The following ADH1B variants were observed in gnomAD, a reference collection of about 807,000 sequenced individuals.
ADH1B encodes the protein alcohol dehydrogenase 1B (class I), beta polypeptide.
ADH1B carries 29 observed loss-of-function variants against 34.6 expected under a neutral mutation model. The ratio of observed to expected loss-of-function variants is 0.84; its 90% CI spans 0.62 to 1.14. The LOEUF (loss-of-function observed/expected upper bound fraction) is 1.14. Ranked by LOEUF, ADH1B falls within the 50% of genes most tolerant of loss-of-function variation. The probability of loss-of-function intolerance (pLI) is 0.00; values close to 1 mark genes in which losing one functional copy is unlikely to be tolerated. For missense variants in ADH1B, 424 were observed against 468.4 expected (o/e 0.91, Z 0.87); for synonymous variants, 170 against 175.5 (o/e 0.97, Z 0.25).
chr4:99,315,170 G>T (rs539186722), intron 5 of ADH1B: 2 of 152,276 alleles, frequency 1.3e-5, no homozygotes, highest in South Asian at 4.2e-4. Flanking sequence ...ATATATTTTA[G>T]TCTCAGCACT....
intron 8 of ADH1B, among the ~76,000 whole-genome samples, chr4:99,308,756 G>T (rs1733677739): frequency 6.6e-6 from 1 of 152,002 alleles, no homozygotes; most frequent in Admixed American, 6.6e-5. Flanking sequence ...ACAGCAGGAA[G>T]AAGAAAGTAA....
Position 99,319,199 on chromosome 4 carries a change from C to T in ADH1B, c.19-313G>A, listed in dbSNP as rs1018365995. On this transcript the variant is annotated intron_variant, in intron 1 of 8. Coordinates refer to ENST00000305046, the MANE Select transcript of ADH1B (RefSeq NM_000668.6). ...ATTTCCTAATGCCGTCCTGAAAATG[C>T]TCGTCTACCCACAACTATTAGCTGA... 4 of 417,740 alleles carry T rather than the reference C, an allele frequency of 9.6e-6. No homozygotes were observed. In the Admixed American group the frequency reaches 1.4e-4, roughly 15 times the overall value. 25.9% of individuals were successfully genotyped at this position (417,740 alleles called of 1,614,324 possible).
intron 1 of ADH1B, chr4:99,319,136 ATGT>A (rs1010251860): frequency 1.8e-5 from 10 of 548,676 alleles, no homozygotes; most frequent in Non-Finnish European, 3.3e-5. Flanking sequence ...GGCCATTCTT[ATGT>A]TGTTGTTTTT....
At position 99,310,753 on chromosome 4, in the gene ADH1B, CTT is replaced by C; in HGVS notation, c.1103+10_1103+11del. 6.2e-7 allele frequency: 1 copy of C among 1,601,364 alleles called. No individual in the cohort carries two copies. Among genetic ancestry groups the C allele is most frequent in the Non-Finnish European group, 8.5e-7 (1 of 1,176,652 alleles). Reference sequence around the variant, plus strand: ...AAAAAAAAGCAAAACAGAAAACTAACTTAAAATCTACCTTTTCCCAGAGTGAA... The same window carrying C: ...AAAAAAAAGCAAAACAGAAAACTAACAAAATCTACCTTTTCCCAGAGTGAA... On this transcript the variant is annotated intron_variant, in intron 8 of 8. Coordinates refer to ENST00000305046, the MANE Select transcript of ADH1B (RefSeq NM_000668.6).
In ADH1B at chr4:99,307,366, C is replaced by T; in HGVS notation, c.*474G>A. The stretch of plus-strand genomic sequence containing the variant: ...CCTTTACCTTACCCTAGCTTTTACC[C>T]CAGGGATTTGGTACATTTTTATTAG... On this transcript the variant is annotated 3_prime_UTR_variant, in exon 9 of 9. Coordinates refer to ENST00000305046, the MANE Select transcript of ADH1B (RefSeq NM_000668.6). 5.6e-6 allele frequency: 1 copy of T among 179,262 alleles called. No individual in the cohort carries two copies. 11.1% of individuals were successfully genotyped at this position (179,262 alleles called of 1,614,324 possible).
At chr4:99,318,675 T>C in intron 2 of ADH1B, 110 bp downstream of exon 2, 1 of 1,019,054 alleles carries the variant, frequency 9.8e-7, no homozygotes, top group South Asian at 1.8e-5. Context: ...TTTTATCTTC[T>C]GGGTGATCAT....
At chr4:99,308,960 A>G (rs1733682025) in intron 8 of ADH1B, among the ~76,000 whole-genome samples, 1 of 151,938 alleles carries the variant, frequency 6.6e-6, no homozygotes, top group Non-Finnish European at 1.5e-5. Context: ...TAAAACTTAA[A>G]GTATAATAAT....
At position 99,307,817 on chromosome 4, in the gene ADH1B, C is replaced by T. The variant is rs1733649395; in HGVS notation, c.*23G>A. On this transcript the variant is annotated 3_prime_UTR_variant, in exon 9 of 9. Transcript: ENST00000305046. ...GGGTAGAGGAGGCTGAAGACTGCTACAGGGGAAGGCATCTCTATTGCCTCA... is the reference window on the plus strand; with the variant it reads ...GGGTAGAGGAGGCTGAAGACTGCTATAGGGGAAGGCATCTCTATTGCCTCA... 1.2e-6 allele frequency: 2 copies of T among 1,613,468 alleles called. No homozygotes were observed. The highest frequency in any genetic ancestry group is 1.7e-6 in the Non-Finnish European group (2 of 1,179,538).
intron 6 of ADH1B, among the ~76,000 whole-genome samples, chr4:99,312,701 A>G (rs1016751981): frequency 6.6e-6 from 1 of 152,210 alleles, no homozygotes; most frequent in African/African-American, 2.4e-5. Context: ...AATAATGCCA[A>G]CTGAGGCTGA....
At position 99,306,759 on chromosome 4, in the gene ADH1B, G is replaced by A. The variant is rs1483108490; in HGVS notation, c.*1081C>T. ...TATTCAAAATATTAAACTAATGCTAGGATTATAGACTTGATTTTAAGACAT... is the reference window on the plus strand; with the variant it reads ...TATTCAAAATATTAAACTAATGCTAAGATTATAGACTTGATTTTAAGACAT... On this transcript the variant is annotated 3_prime_UTR_variant, in exon 9 of 9. Transcript: ENST00000305046. 6.6e-6 allele frequency: 1 copy of A among 152,092 alleles called. No individual in the cohort carries two copies. The highest frequency in any genetic ancestry group is 1.5e-5 in the Non-Finnish European group (1 of 68,020). The allele number at this position is 152,092 out of a possible 1,614,324, so 9.4% of individuals were successfully genotyped here.
intron 1 of ADH1B, 150 bp from the exon 2 acceptor site, chr4:99,319,036 A>C (rs1321344779): frequency 4.6e-6 from 4 of 871,156 alleles, no homozygotes; most frequent in Middle Eastern, 2.2e-4. Context: ...GTTTATAAAG[A>C]GAATAAAAGT....
In ADH1B at chr4:99,314,010, T is replaced by G. The variant is rs755890908; in HGVS notation, c.639A>C (p.Lys213Asn). 2 of 1,614,204 alleles carry G rather than the reference T, an allele frequency of 1.2e-6. No homozygotes were observed. The highest frequency in any genetic ancestry group is 2.7e-5 in the African/African-American group (2 of 75,052). ...CAATGATTCTGGCTGCTCCAGCTGC[T>G]TTACAGCCCATAACAGCAGATAGGC... Reference protein sequence around the residue: ...GVGLSAVMGCKAAGAARIIAV... With the variant: ...GVGLSAVMGCNAAGAARIIAV... Residue 213 changes from lysine (K) to asparagine (N), a missense_variant, in exon 6 of 9, where the codon AAA becomes AAC. By Grantham distance (94) the Lys-to-Asn change is moderately conservative. This residue lies in a region of ADH1B where 291 missense variants were observed against 300.4 expected (regional missense o/e 0.97). Coordinates refer to ENST00000305046, the MANE Select transcript of ADH1B (RefSeq NM_000668.6).
Position 99,307,071 on chromosome 4 carries a change from C to A in ADH1B, c.*769G>T, listed in dbSNP as rs780437055. On this transcript the variant is annotated 3_prime_UTR_variant, in exon 9 of 9. Coordinates refer to ENST00000305046, the MANE Select transcript of ADH1B (RefSeq NM_000668.6). ...CTAATACTGTTTAGTCAATGAAGCA[C>A]TTTCATCAGCAAAAATTACAGATTT... 6.6e-6 allele frequency: 1 copy of A among 152,138 alleles called. No individual in the cohort carries two copies. Among genetic ancestry groups the A allele is most frequent in the Non-Finnish European group, 1.5e-5 (1 of 68,028 alleles). 9.4% of individuals were successfully genotyped at this position (152,138 alleles called of 1,614,324 possible).
intron 5 of ADH1B, chr4:99,314,671 A>G (rs1460828370): frequency 6.5e-6 from 1 of 153,288 alleles, no homozygotes; most frequent in Non-Finnish European, 1.5e-5. Context: ...AAAATACACT[A>G]GCGAACAACA....
chr4:99,318,229 C>A, intron 2 of ADH1B, 45 bp from the exon 3 acceptor site: 1 of 1,609,178 alleles, frequency 6.2e-7, no homozygotes, highest in Non-Finnish European at 8.5e-7. Context: ...AAGATTGTAA[C>A]TAGATGAATT....
Position 99,318,799 on chromosome 4 carries a change from C to T in ADH1B, c.106G>A (p.Glu36Lys). The stretch of plus-strand genomic sequence containing the variant: ...AAATATTTCACCTTAATGCGAACTT[C>T]ATAAGCCTTAGGAGGTGCAACCTCC... ...DVEVAPPKAY[E>K]VRIKMVAVGI... Residue 36 changes from glutamate (E) to lysine (K), a missense_variant, in exon 2 of 9, where the codon GAA (glutamate) becomes AAA (lysine). Glu to Lys is a moderately conservative substitution (Grantham distance 56). This residue lies in a region of ADH1B where 291 missense variants were observed against 300.4 expected (regional missense o/e 0.97). Transcript: ENST00000305046. 1 of 1,613,162 alleles carries T rather than the reference C, an allele frequency of 6.2e-7. No individual in the cohort carries two copies. The highest frequency in any genetic ancestry group is 1.1e-5 in the South Asian group (1 of 90,992).
chr4:99,311,224 T>C (rs1733746528), intron 7 of ADH1B, among the ~76,000 whole-genome samples: 1 of 151,844 alleles, frequency 6.6e-6, no homozygotes, highest in Non-Finnish European at 1.5e-5. Context: ...GATTTGCATG[T>C]TCTACTAAAA....
At chr4:99,320,887 C>A in intron 1 of ADH1B, 1 of 1,269,392 alleles carries the variant, frequency 7.9e-7, no homozygotes, top group Non-Finnish European at 1.0e-6. Flanking sequence ...TCAAATTCCT[C>A]TCATCAAACT....
intron 1 of ADH1B, chr4:99,320,826 A>G (rs1180254875): frequency 8.2e-7 from 1 of 1,223,786 alleles, no homozygotes; most frequent in Non-Finnish European, 1.0e-6. Context: ...ATCAATGAGT[A>G]TTTTGTAAGA....
Sources: gnomAD v4.1 joint callset for allele counts (sites outside exome capture counted in the v4.1 genomes callset) on GRCh38, gnomAD v4.1.1 for gene constraint, gnomAD v4.1.1 regional missense constraint, MANE v1.5 for transcripts, NCBI Gene and HGNC (gene_info 2026-07-23, HGNC 2026-07-21) for gene names.